SNX29: variants seen among roughly 807,000 people sequenced by gnomAD.
SNX29 encodes sorting nexin 29.
A neutral mutation model predicts 102.1 loss-of-function variants in SNX29; 78 were observed. The ratio of observed to expected loss-of-function variants is 0.76; its 90% CI spans 0.64 to 0.92. SNX29 has a LOEUF of 0.92. SNX29 is among the 40% of genes least tolerant of loss of function. The pLI is 0.00. For synonymous variants in SNX29, 580 were observed against 414.5 expected, an observed-to-expected ratio of 1.40 and a Z score of -4.85; for missense variants, 1,280 against 1,061.7, an observed-to-expected ratio of 1.21 and a Z score of -2.86.
intron 1 of SNX29, among the ~76,000 whole-genome samples, chr16:11,977,277 G>A (rs1179948509): frequency 6.6e-6 from 1 of 152,094 alleles, no homozygotes; most frequent in Non-Finnish European, 1.5e-5. Context: ...TTTCTGGACA[G>A]TTAGTTTGCT....
intron 11 of SNX29, chr16:12,095,084 C>T (rs2052713015): frequency 6.6e-6 from 1 of 152,094 alleles, no homozygotes; most frequent in African/African-American, 2.4e-5. Flanking sequence ...TGGAATGCAC[C>T]AGACTAAGTG....
intron 20 of SNX29, among the ~76,000 whole-genome samples, chr16:12,559,658 C>A (rs1043336817): frequency 1.3e-5 from 2 of 152,100 alleles, no homozygotes; most frequent in Non-Finnish European, 2.9e-5. Flanking sequence ...CCACATTCTG[C>A]TTCTCTACCA....
At chr16:12,516,768 C>T (rs1279812921) in intron 19 of SNX29, among the ~76,000 whole-genome samples, 5 of 152,144 alleles carry the variant, frequency 3.3e-5, no homozygotes, top group Admixed American at 6.5e-5. Flanking sequence ...ACACGAGGTG[C>T]GGCTCCTGGG....
intron 19 of SNX29, among the ~76,000 whole-genome samples, chr16:12,510,408 T>C (rs1421043345): frequency 6.6e-6 from 1 of 152,122 alleles, no homozygotes. Flanking sequence ...GTGTGGTGGC[T>C]TAGGCCTATA....
chr16:12,398,379 G>A, intron 16 of SNX29, 67 bp from the exon 17 acceptor site: 1 of 1,539,314 alleles, frequency 6.5e-7, no homozygotes, highest in Admixed American at 1.7e-5. Context: ...GAATTCTTCT[G>A]TGATTATGCA....
At chr16:12,566,455 C>T (rs1293513464) in intron 20 of SNX29, among the ~76,000 whole-genome samples, 2 of 152,182 alleles carry the variant, frequency 1.3e-5, no homozygotes, top group Admixed American at 6.5e-5. Context: ...CATTGCAGGG[C>T]AGGGCTCATC....
At chr16:12,471,880 C>T (rs551289783) in intron 18 of SNX29, among the ~76,000 whole-genome samples, 1 of 152,240 alleles carries the variant, frequency 6.6e-6, no homozygotes, top group African/African-American at 2.4e-5. Flanking sequence ...CTTTCTCCCG[C>T]CCAAGGTCAT....
intron 11 of SNX29, among the ~76,000 whole-genome samples, chr16:12,123,842 C>T (rs2054088390): frequency 1.3e-5 from 2 of 152,316 alleles, no homozygotes; most frequent in South Asian, 4.1e-4. Flanking sequence ...CCCATGGTCT[C>T]TGTCAAAACA....
chr16:12,269,554 T>C (rs2079030434), intron 14 of SNX29, among the ~76,000 whole-genome samples: 1 of 152,186 alleles, frequency 6.6e-6, no homozygotes, highest in Non-Finnish European at 1.5e-5. Flanking sequence ...TATCCAGCCA[T>C]GTAGATAAAA....
intron 20 of SNX29, among the ~76,000 whole-genome samples, chr16:12,566,274 A>G (rs555769985): frequency 1.3e-5 from 2 of 152,298 alleles, no homozygotes; most frequent in East Asian, 3.9e-4. Flanking sequence ...AGCACTGCCC[A>G]CAGCAGGACT....
chr16:12,544,614 C>T (rs994658544), intron 20 of SNX29, among the ~76,000 whole-genome samples: 17 of 152,194 alleles, frequency 1.1e-4, no homozygotes, highest in African/African-American at 3.1e-4. Context: ...CCTGACTCTG[C>T]GTCATGCCTT....
chr16:12,568,551 AGCTTCCC>A lies in SNX29; in HGVS notation c.2372_2378del (p.Arg791ProfsTer51), dbSNP rs2079110852. On this transcript the variant is annotated frameshift_variant, in exon 21 of 21. Coordinates refer to ENST00000566228, the MANE Select transcript of SNX29 (RefSeq NM_032167.5). LOFTEE classifies it high-confidence loss of function. ...AGCCTGTGAACAGCCGGCCCAAAGCAGCTTCCCGCTTCCCCAAACTGTCCCGGGGTCA... is the reference window on the plus strand; with the variant it reads ...AGCCTGTGAACAGCCGGCCCAAAGCAGCTTCCCCAAACTGTCCCGGGGTCA... 6.2e-7 allele frequency: 1 copy of A among 1,609,586 alleles called. No individual in the cohort carries two copies. The highest frequency in any genetic ancestry group is 8.5e-7 in the Non-Finnish European group (1 of 1,179,844).
intron 19 of SNX29, among the ~76,000 whole-genome samples, chr16:12,501,336 C>T (rs949612365): frequency 1.3e-5 from 2 of 152,098 alleles, no homozygotes; most frequent in African/African-American, 2.4e-5. Flanking sequence ...ATTAGGAGTT[C>T]AAGGCTTCAG....
chr16:12,351,004 G>A (rs547810147), intron 15 of SNX29, among the ~76,000 whole-genome samples: 1 of 152,302 alleles, frequency 6.6e-6, no homozygotes, highest in South Asian at 2.1e-4. Context: ...CATATCCCAA[G>A]AGGGAGTGCA....
rs577800127 is a variant in SNX29 at position 12,079,001 on chromosome 16, G to A, written c.1402+86G>A. On this transcript the variant is annotated intron_variant, in intron 11 of 20. Coordinates refer to ENST00000566228, the MANE Select transcript of SNX29 (RefSeq NM_032167.5). ...GCGGTGCCTTTGTGCTTCTAACCCT[G>A]TGACTGTGGGTTCACGTCAGGTGTG... 2.6e-5 allele frequency: 31 copies of A among 1,183,994 alleles called. No individual in the cohort carries two copies. The South Asian group carries it at 3.9e-4, about 15-fold the overall frequency. The allele number at this position is 1,183,994 out of a possible 1,614,324, so 73.3% of individuals were successfully genotyped here.
intron 17 of SNX29, 146 bp from the exon 18 acceptor site, chr16:12,403,300 TGC>T: frequency 1.9e-6 from 1 of 529,946 alleles, no homozygotes; most frequent in East Asian, 3.9e-5. Flanking sequence ...TCCTTTAGCT[TGC>T]CATCAGGTGT....
At chr16:12,171,543 C>T (rs1368823148) in intron 13 of SNX29, among the ~76,000 whole-genome samples, 1 of 152,200 alleles carries the variant, frequency 6.6e-6, no homozygotes, top group Non-Finnish European at 1.5e-5. Flanking sequence ...CTGTGTTCCA[C>T]AGGCCGTGGG....
At chr16:12,483,446 T>C (rs533430565) in intron 19 of SNX29, among the ~76,000 whole-genome samples, 14 of 151,756 alleles carry the variant, frequency 9.2e-5, no homozygotes, top group African/African-American at 3.4e-4. Context: ...GCCTCCTGAG[T>C]AGCTGGGATT....
chr16:12,294,452 G>C (rs1165168226), intron 15 of SNX29, among the ~76,000 whole-genome samples: 1 of 152,098 alleles, frequency 6.6e-6, no homozygotes, highest in African/African-American at 2.4e-5. Flanking sequence ...GCTTACTCAG[G>C]GAGAATGAGT....
Sources: allele counts gnomAD v4.1 joint callset (sites outside exome capture counted in the v4.1 genomes callset), GRCh38; gene constraint gnomAD v4.1.1; transcripts MANE v1.5; gene names NCBI Gene and HGNC (gene_info 2026-07-23, HGNC 2026-07-21).